SRARP: variants seen among roughly 807,000 people sequenced by gnomAD.
SRARP encodes steroid receptor associated and regulated protein, also known as steroid receptor-associated and regulated protein.
In SRARP, 5 loss-of-function variants were observed where a neutral mutation model predicts 3.6. That is an observed-to-expected ratio of 1.39 (90% CI 0.73 to 2.93). The LOEUF is 2.93. SRARP is among the 30% of genes most tolerant of loss of function. SRARP has a pLI of 0.00. For synonymous variants in SRARP, 96 were observed against 91.6 expected (o/e 1.05, Z -0.27); for missense variants, 215 against 216.7 (o/e 0.99, Z 0.05).
chr1:16,004,310 C>T lies in SRARP; in HGVS notation c.7C>T (p.Pro3Ser). 3 of 1,603,002 alleles carry T rather than the reference C, an allele frequency of 1.9e-6. No individual in the cohort carries two copies. Among genetic ancestry groups the T allele is most frequent in the Non-Finnish European group, 2.6e-6 (3 of 1,175,410 alleles). Residue 3 changes from proline (P) to serine (S), a missense_variant, in exon 1 of 2, where the codon CCG (proline) becomes TCG (serine). Pro to Ser is a moderately conservative substitution (Grantham distance 74). Coordinates refer to ENST00000329454, the MANE Select transcript of SRARP (RefSeq NM_178840.4). MA[P>S]SEDPRDWRAN... ...CAGGCGCCGAAGTAGCCGCATGGCC[C>T]CGTCAGAAGACCCCAGGGACTGGAG...
rs753977919 is a variant in SRARP at position 16,008,049 on chromosome 1, C to T, written c.*1703C>T. 1 of 152,304 alleles carries T rather than the reference C, an allele frequency of 6.6e-6. No individual in the cohort carries two copies. Among genetic ancestry groups the T allele is most frequent in the Non-Finnish European group, 1.5e-5 (1 of 68,116 alleles). The allele number at this position is 152,304 out of a possible 1,614,324, so 9.4% of individuals were successfully genotyped here. On this transcript the variant is annotated 3_prime_UTR_variant, in exon 2 of 2. Transcript: ENST00000329454. ...GGACACACAGAGGATAAATGTAACC[C>T]TGTCCTCAAGGAGCTCACAGCCAGG...
In SRARP at chr1:16,007,733, G is replaced by A. The variant is rs1041349493; in HGVS notation, c.*1387G>A. ...TTATAGGTGTGAGCCACCGTATCTG[G>A]TCATTAATTTATTCAATGACTATTT... On this transcript the variant is annotated 3_prime_UTR_variant, in exon 2 of 2. Transcript: ENST00000329454. The A allele has an allele frequency of 2.0e-5, 3 of 152,132 alleles. No individual in the cohort carries two copies. Among genetic ancestry groups the A allele is most frequent in the Non-Finnish European group, 4.4e-5 (3 of 68,034 alleles). 9.4% of individuals were successfully genotyped at this position (152,132 alleles called of 1,614,324 possible).
rs986534738 is a variant in SRARP at position 16,006,481 on chromosome 1, C to A, written c.*135C>A. 6.0e-6 allele frequency: 6 copies of A among 998,704 alleles called. No homozygotes were observed. The African/African-American group carries it at 6.6e-5, about 11-fold the overall frequency. The allele number at this position is 998,704 out of a possible 1,614,324, so 61.9% of individuals were successfully genotyped here. On this transcript the variant is annotated 3_prime_UTR_variant, in exon 2 of 2. Coordinates refer to ENST00000329454, the MANE Select transcript of SRARP (RefSeq NM_178840.4). ...TCCGCTAAGGGGCATCTGAAACATC[C>A]GTCGAGTGGCAGAGGCAGGATAAGT...
At chr1:16,005,887 G>C in intron 1 of SRARP, 32 bp from the exon 2 acceptor site, 2 of 1,508,722 alleles carry the variant, frequency 1.3e-6, no homozygotes, top group South Asian at 1.3e-5. Context: ...TCCCCTGCTT[G>C]TGCTAACTTT....
At position 16,006,544 on chromosome 1, in the gene SRARP, AATATT is replaced by A. The variant is rs1297029189; in HGVS notation, c.*200_*204del. ...AAGAGACTCATTCATTCATACAGCAAATATTACTGGTACATCTTCCACATGCCAGG... is the reference window on the plus strand; with the variant it reads ...AAGAGACTCATTCATTCATACAGCAAACTGGTACATCTTCCACATGCCAGG... On this transcript the variant is annotated 3_prime_UTR_variant, in exon 2 of 2. Coordinates refer to ENST00000329454, the MANE Select transcript of SRARP (RefSeq NM_178840.4). 1.0e-5 allele frequency: 6 copies of A among 582,912 alleles called. No individual in the cohort carries two copies. The East Asian group carries it at 1.8e-4, about 17-fold the overall frequency. 36.1% of individuals were successfully genotyped at this position (582,912 alleles called of 1,614,324 possible).
Position 16,006,029 on chromosome 1 carries a change from CA to C in SRARP, c.195del (p.Ala66ProfsTer13), listed in dbSNP as rs761704202. On this transcript the variant is annotated frameshift_variant, in exon 2 of 2. Transcript: ENST00000329454. LOFTEE classifies it low-confidence loss of function (END_TRUNC). ...CCTGGCAGCAACCGCATCACCACCC[CA>C]AGCCCCCAGTCCCAATCGAGGGCTT... ...LSLAATASPPQAPSPNRGLVT... is the reference protein window; with the variant it reads ...LSLAATASPPXAPSPNRGLVT... 1.2e-6 allele frequency: 2 copies of C among 1,614,032 alleles called. No individual in the cohort carries two copies. Among genetic ancestry groups the C allele is most frequent in the Non-Finnish European group, 1.7e-6 (2 of 1,179,988 alleles).
chr1:16,005,461 T>A (rs1570265564), intron 1 of SRARP, among the ~76,000 whole-genome samples: 1 of 152,298 alleles, frequency 6.6e-6, no homozygotes, highest in East Asian at 1.9e-4. Context: ...AAGTGGAGAC[T>A]TGAACTCAGG....
Position 16,004,333 on chromosome 1 carries a change from G to A in SRARP, c.30G>A (p.Trp10Ter), listed in dbSNP as rs1391259229. The change falls in exon 1 of 2, where the codon TGG becomes TGA. Residue 10 changes from tryptophan to a stop codon, truncating the protein, a stop_gained. Coordinates refer to ENST00000329454, the MANE Select transcript of SRARP (RefSeq NM_178840.4). LOFTEE classifies it high-confidence loss of function. MAPSEDPRD[W>*]RANLKGTIRE... Reference sequence around the variant, plus strand: ...CCCCGTCAGAAGACCCCAGGGACTGGAGAGCCAACCTCAAAGGCACCATCC... The same window carrying A: ...CCCCGTCAGAAGACCCCAGGGACTGAAGAGCCAACCTCAAAGGCACCATCC... 3 of 1,608,862 alleles carry A rather than the reference G, an allele frequency of 1.9e-6. 1 individual carries two copies. The South Asian group carries it at 3.3e-5, about 18-fold the overall frequency.
Position 16,006,549 on chromosome 1 carries a change from T to A in SRARP, c.*203T>A, listed in dbSNP as rs1351618926. ...ACTCATTCATTCATACAGCAAATATTACTGGTACATCTTCCACATGCCAGG... is the reference window on the plus strand; with the variant it reads ...ACTCATTCATTCATACAGCAAATATAACTGGTACATCTTCCACATGCCAGG... On this transcript the variant is annotated 3_prime_UTR_variant, in exon 2 of 2. Coordinates refer to ENST00000329454, the MANE Select transcript of SRARP (RefSeq NM_178840.4). 5.3e-6 allele frequency: 3 copies of A among 563,850 alleles called. No individual in the cohort carries two copies. The highest frequency in any genetic ancestry group is 9.2e-6 in the Non-Finnish European group (3 of 327,444). The allele number at this position is 563,850 out of a possible 1,614,324, so 34.9% of individuals were successfully genotyped here. A position where few individuals can be genotyped will look rare whatever the true frequency, so the allele number is the denominator to read the frequency against.
chr1:16,006,116 CG>C lies in SRARP; in HGVS notation c.283del (p.Val95Ter), dbSNP rs1226799564. The stretch of plus-strand genomic sequence containing the variant: ...TGGGGAAAACTGGCCCCATCTGACT[CG>C]GGTGACCCCCATGGGTGGGGGATGC... The part of the protein sequence containing the change: ...FCGENWPHLT[R>X]VTPMGGGCLA... On this transcript the variant is annotated frameshift_variant, in exon 2 of 2. Coordinates refer to ENST00000329454, the MANE Select transcript of SRARP (RefSeq NM_178840.4). LOFTEE classifies it low-confidence loss of function (END_TRUNC). The C allele has an allele frequency of 6.2e-7, 1 of 1,613,720 alleles. No homozygotes were observed. The highest frequency in any genetic ancestry group is 1.7e-5 in the Admixed American group (1 of 59,990).
At position 16,004,325 on chromosome 1, in the gene SRARP, A is replaced by T; in HGVS notation, c.22A>T (p.Arg8Trp). The T allele has an allele frequency of 1.2e-6, 2 of 1,607,612 alleles. No individual in the cohort carries two copies. Among genetic ancestry groups the T allele is most frequent in the Non-Finnish European group, 1.7e-6 (2 of 1,177,568 alleles). The change falls in exon 1 of 2, where the codon AGG becomes TGG. Residue 8 changes from arginine to tryptophan, a missense_variant. Arg to Trp is a moderately radical substitution (Grantham distance 101, BLOSUM62 -3). Coordinates refer to ENST00000329454, the MANE Select transcript of SRARP (RefSeq NM_178840.4). ...CCGCATGGCCCCGTCAGAAGACCCC[A>T]GGGACTGGAGAGCCAACCTCAAAGG... MAPSEDP[R>W]DWRANLKGTI...
Position 16,004,390 on chromosome 1 carries a change from G to A in SRARP, c.82+5G>A. The A allele has an allele frequency of 1.3e-6, 2 of 1,598,788 alleles. No homozygotes were observed. Among genetic ancestry groups the A allele is most frequent in the Non-Finnish European group, 1.7e-6 (2 of 1,172,316 alleles). ...CAGGCCTGGAGACCAGCTCCGGTAAGAGGCGGCAAAGGGACCCCAGCCCCA... is the reference window on the plus strand; with the variant it reads ...CAGGCCTGGAGACCAGCTCCGGTAAAAGGCGGCAAAGGGACCCCAGCCCCA... On this transcript the variant is annotated splice_donor_5th_base_variant and intron_variant, in intron 1 of 1. Coordinates refer to ENST00000329454, the MANE Select transcript of SRARP (RefSeq NM_178840.4).
At chr1:16,005,538 T>C (rs11801033) in intron 1 of SRARP, among the ~76,000 whole-genome samples, 1,609 of 152,232 alleles carry the variant, frequency 0.011, 34 homozygotes, top group African/African-American at 0.037. Flanking sequence ...TATCAACCAA[T>C]CCAGTTGAAC....
rs1196692647 is a variant in SRARP at position 16,006,397 on chromosome 1, C to T, written c.*51C>T. ...AGAGGCTGCAATTCCCAGGGCCTGG[C>T]CCTGCTTCCCCAGCTAAGCAGGAGT... On this transcript the variant is annotated 3_prime_UTR_variant, in exon 2 of 2. Coordinates refer to ENST00000329454, the MANE Select transcript of SRARP (RefSeq NM_178840.4). The T allele has an allele frequency of 6.7e-7, 1 of 1,487,620 alleles. No individual in the cohort carries two copies. Among genetic ancestry groups the T allele is most frequent in the South Asian group, 1.3e-5 (1 of 75,214 alleles). The allele number at this position is 1,487,620 out of a possible 1,614,324, so 92.2% of individuals were successfully genotyped here.
chr1:16,005,828 C>A, intron 1 of SRARP, 91 bp from the exon 2 acceptor site: 1 of 1,331,020 alleles, frequency 7.5e-7, no homozygotes, highest in South Asian at 1.4e-5. Flanking sequence ...GAGCCATGAC[C>A]TCCAGCCTGG....
Position 16,004,321 on chromosome 1 carries a change from C to T in SRARP, c.18C>T (p.Asp6=), listed in dbSNP as rs1763617. 0.16 allele frequency: 255,860 copies of T among 1,603,834 alleles called. 21,777 individuals are homozygous for T. The highest frequency in any genetic ancestry group is 0.3 in the East Asian group (13,562 of 44,524). Residue 6 remains aspartate (D), a synonymous_variant, in exon 1 of 2, where the codon GAC becomes GAT. Coordinates refer to ENST00000329454, the MANE Select transcript of SRARP (RefSeq NM_178840.4). ...GTAGCCGCATGGCCCCGTCAGAAGA[C>T]CCCAGGGACTGGAGAGCCAACCTCA... MAPSE[D]PRDWRANLKG...
At position 16,007,873 on chromosome 1, in the gene SRARP, C is replaced by T. The variant is rs1484515839; in HGVS notation, c.*1527C>T. ...TGTGACCATTTTATAGATTAGAGAG[C>T]TGAGGCACAGAGAGGTTGAAGAATG... On this transcript the variant is annotated 3_prime_UTR_variant, in exon 2 of 2. Coordinates refer to ENST00000329454, the MANE Select transcript of SRARP (RefSeq NM_178840.4). 1 of 152,180 alleles carries T rather than the reference C, an allele frequency of 6.6e-6. No individual in the cohort carries two copies. Among genetic ancestry groups the T allele is most frequent in the African/African-American group, 2.4e-5 (1 of 41,422 alleles). 9.4% of individuals were successfully genotyped at this position (152,180 alleles called of 1,614,324 possible). A position where few individuals can be genotyped will look rare whatever the true frequency, so the allele number is the denominator to read the frequency against.
In SRARP at chr1:16,006,360, G is replaced by A; in HGVS notation, c.*14G>A. ...CAGGCCGATTAGCTGGAAGGGCCGG[G>A]CTCTGATGCCCAGAGGCTGCAATTC... On this transcript the variant is annotated 3_prime_UTR_variant, in exon 2 of 2. Transcript: ENST00000329454. The A allele has an allele frequency of 6.4e-7, 1 of 1,567,224 alleles. No homozygotes were observed. The highest frequency in any genetic ancestry group is 8.7e-7 in the Non-Finnish European group (1 of 1,152,962).
chr1:16,006,525 C>T lies in SRARP; in HGVS notation c.*179C>T. 1.6e-6 allele frequency: 1 copy of T among 638,526 alleles called. No individual in the cohort carries two copies. Among genetic ancestry groups the T allele is most frequent in the East Asian group, 2.9e-5 (1 of 34,822 alleles). The allele number at this position is 638,526 out of a possible 1,614,324, so 39.6% of individuals were successfully genotyped here. ...GATAAGTCACCTGCACATGAAGAGA[C>T]TCATTCATTCATACAGCAAATATTA... On this transcript the variant is annotated 3_prime_UTR_variant, in exon 2 of 2. Transcript: ENST00000329454.
Sources: gnomAD v4.1 joint callset for allele counts (sites outside exome capture counted in the v4.1 genomes callset) on GRCh38, gnomAD v4.1.1 for gene constraint, MANE v1.5 for transcripts, NCBI Gene and HGNC (gene_info 2026-07-23, HGNC 2026-07-21) for gene names.